The following ADGRG7 variants were observed in gnomAD, a reference collection of about 807,000 sequenced individuals.
ADGRG7 encodes the protein adhesion G protein-coupled receptor G7, also known as G-protein coupled receptor 128.
In ADGRG7, 82 loss-of-function variants were observed where a neutral mutation model predicts 88.6. That is an observed-to-expected ratio of 0.93 (90% CI 0.77 to 1.11). The LOEUF is 1.11. Ranked by LOEUF, ADGRG7 falls within the 50% of genes most tolerant of loss-of-function variation. The pLI is 0.00. For synonymous variants in ADGRG7, 381 were observed against 345.2 expected, an observed-to-expected ratio of 1.10 and a Z score of -1.15; for missense variants, 945 against 953.4, an observed-to-expected ratio of 0.99 and a Z score of 0.12.
In ADGRG7 at chr3:100,623,379, T is replaced by C. The variant is rs1707339466; in HGVS notation, c.116-6219T>C. Among the ~76,000 whole-genome samples, 3 of 152,112 alleles carry C rather than the reference T, an allele frequency of 2.0e-5. No homozygotes were observed. The South Asian group carries it at 6.2e-4, about 32-fold the overall frequency. ...ACGTCTTTAAAATGATAATGGGCCA[T>C]ATATGTTTTATCTATTTCTAACCTT... On this transcript the variant is annotated intron_variant, in intron 1 of 15. Coordinates refer to ENST00000273352, the MANE Select transcript of ADGRG7 (RefSeq NM_032787.3).
intron 15 of ADGRG7, among the ~76,000 whole-genome samples, chr3:100,688,028 G>A (rs2149043150): frequency 6.6e-6 from 1 of 152,210 alleles, no homozygotes; most frequent in African/African-American, 2.4e-5. Context: ...TGGTTGGTAA[G>A]CTATTAATTA....
At chr3:100,650,457 T>A (rs1371523866) in intron 11 of ADGRG7, among the ~76,000 whole-genome samples, 1 of 152,200 alleles carries the variant, frequency 6.6e-6, no homozygotes, top group Non-Finnish European at 1.5e-5. Context: ...CAACTTCACA[T>A]TTCATGTTTG....
intron 1 of ADGRG7, among the ~76,000 whole-genome samples, chr3:100,623,386 T>C (rs758700402): frequency 3.9e-5 from 6 of 152,246 alleles, no homozygotes; most frequent in Admixed American, 6.5e-5. Flanking sequence ...CCATATATGT[T>C]TTATCTATTT....
chr3:100,654,805 AT>A (rs759853382), intron 11 of ADGRG7, 29 bp from the exon 12 acceptor site: 8 of 1,356,364 alleles, frequency 5.9e-6, no homozygotes, highest in Admixed American at 2.3e-5. Flanking sequence ...GTTTCATTTA[AT>A]TTTTTTATAT....
intron 15 of ADGRG7, among the ~76,000 whole-genome samples, chr3:100,673,416 C>G (rs2094961101): frequency 6.6e-6 from 1 of 150,860 alleles, no homozygotes; most frequent in Non-Finnish European, 1.5e-5. Flanking sequence ...GGTGATATCC[C>G]CTTTATCATT....
At chr3:100,694,259 A>G (rs1386847456) in intron 15 of ADGRG7, among the ~76,000 whole-genome samples, 1 of 152,198 alleles carries the variant, frequency 6.6e-6, no homozygotes, top group African/African-American at 2.4e-5. Context: ...TCAATTTCTC[A>G]TGTACATCTG....
chr3:100,666,136 C>T (rs1388129310), intron 14 of ADGRG7, among the ~76,000 whole-genome samples: 2 of 151,734 alleles, frequency 1.3e-5, no homozygotes, highest in South Asian at 2.1e-4. Context: ...CTGCAACCTC[C>T]GCCTTGAAGG....
intron 15 of ADGRG7, among the ~76,000 whole-genome samples, chr3:100,669,415 T>A (rs1467024384): frequency 6.6e-6 from 1 of 151,220 alleles, no homozygotes. Context: ...TACTGTAATC[T>A]CCTCCTGTAG....
At chr3:100,679,212 C>A (rs945493180) in intron 15 of ADGRG7, among the ~76,000 whole-genome samples, 7 of 152,194 alleles carry the variant, frequency 4.6e-5, no homozygotes, top group Non-Finnish European at 1.0e-4. Context: ...CCAACCTTTC[C>A]TCAAGCACAG....
intron 5 of ADGRG7, 77 bp from the exon 6 acceptor site, chr3:100,637,222 CAAT>C: frequency 3.1e-6 from 3 of 966,918 alleles, no homozygotes; most frequent in South Asian, 2.8e-5. Flanking sequence ...CTTGCTACTA[CAAT>C]GATTCATGAT....
intron 13 of ADGRG7, 125 bp downstream of exon 13, chr3:100,656,120 A>G (rs910300237): frequency 7.6e-6 from 4 of 529,296 alleles, no homozygotes; most frequent in African/African-American, 5.6e-5. Flanking sequence ...AGTGGTAGAC[A>G]TTTGAAATTC....
intron 15 of ADGRG7, among the ~76,000 whole-genome samples, chr3:100,688,110 G>C (rs1055554128): frequency 6.6e-6 from 1 of 152,278 alleles, no homozygotes; most frequent in East Asian, 1.9e-4. Flanking sequence ...TCTTGGGAGA[G>C]TGTATGTGTC....
intron 5 of ADGRG7, 40 bp from the exon 6 acceptor site, chr3:100,637,262 A>T (rs973748522): frequency 8.0e-7 from 1 of 1,254,522 alleles, no homozygotes; most frequent in African/African-American, 1.5e-5. Flanking sequence ...ATAATGTATG[A>T]TATATGCTTC....
intron 15 of ADGRG7, among the ~76,000 whole-genome samples, chr3:100,684,522 CT>C (rs1428629036): frequency 1.3e-5 from 2 of 152,152 alleles, no homozygotes; most frequent in East Asian, 3.9e-4. Flanking sequence ...CCTGCGTCAG[CT>C]TCCCAAAGTG....
intron 15 of ADGRG7, among the ~76,000 whole-genome samples, chr3:100,693,064 C>T (rs1005876621): frequency 9.2e-5 from 14 of 152,176 alleles, no homozygotes; most frequent in African/African-American, 3.4e-4. Context: ...GTCTGACCCA[C>T]ACATTTTTTC....
At chr3:100,693,397 A>G (rs4367102) in intron 15 of ADGRG7, among the ~76,000 whole-genome samples, 101,264 of 152,020 alleles carry the variant, frequency 0.67, 33,945 homozygotes, top group South Asian at 0.83. Flanking sequence ...CTCCAAGCAC[A>G]CACTGTCATA....
intron 15 of ADGRG7, among the ~76,000 whole-genome samples, chr3:100,674,091 T>C (rs1177993158): frequency 6.6e-6 from 1 of 152,232 alleles, no homozygotes; most frequent in Non-Finnish European, 1.5e-5. Flanking sequence ...TGTGTCTTTG[T>C]TCTCATTGGT....
chr3:100,678,786 C>T (rs947924218), intron 15 of ADGRG7, among the ~76,000 whole-genome samples: 1 of 152,186 alleles, frequency 6.6e-6, no homozygotes, highest in African/African-American at 2.4e-5. Flanking sequence ...CCATTATTTT[C>T]CTGCAAGCAA....
At chr3:100,614,937 T>C (rs1190885583) in intron 1 of ADGRG7, among the ~76,000 whole-genome samples, 2 of 152,352 alleles carry the variant, frequency 1.3e-5, no homozygotes, top group Middle Eastern at 3.4e-3. Context: ...CTAGAAATAC[T>C]ACTTTGTACA....
Sources: gnomAD v4.1 joint callset for allele counts (sites outside exome capture counted in the v4.1 genomes callset) on GRCh38, gnomAD v4.1.1 for gene constraint, MANE v1.5 for transcripts, NCBI Gene and HGNC (gene_info 2026-07-23, HGNC 2026-07-21) for gene names.